The following NOS1AP variants were observed in gnomAD, a reference collection of about 807,000 sequenced individuals.
The protein encoded by NOS1AP is nitric oxide synthase 1 adaptor protein, also known as carboxyl-terminal PDZ ligand of neuronal nitric oxide synthase protein.
Under a neutral mutation model 56.2 loss-of-function variants are expected in NOS1AP, and 21 were observed. The ratio of observed to expected loss-of-function variants is 0.37; its 90% confidence interval spans 0.26 to 0.54. The LOEUF (loss-of-function observed/expected upper bound fraction) is 0.54. NOS1AP is among the 20% of genes least tolerant of loss of function. The probability of loss-of-function intolerance (pLI) is 0.84; values close to 1 mark genes in which losing one functional copy is unlikely to be tolerated. For missense variants in NOS1AP, 522 were observed against 657.8 expected (o/e 0.79, Z 2.26); for synonymous variants, 270 against 274.6 (o/e 0.98, Z 0.17).
intron 6 of NOS1AP, among the ~76,000 whole-genome samples, chr1:162,354,631 G>C (rs1443788453): frequency 6.6e-6 from 1 of 152,234 alleles, no homozygotes; most frequent in African/African-American, 2.4e-5. Context: ...ATCAGGCTCT[G>C]AGGGCTGGGA....
At chr1:162,360,067 G>A (rs1014880625) in intron 8 of NOS1AP, among the ~76,000 whole-genome samples, 3 of 147,678 alleles carry the variant, frequency 2.0e-5, no homozygotes, top group African/African-American at 7.6e-5. Flanking sequence ...TGTTGCCATG[G>A]GGACCAGGCT....
chr1:162,197,961 A>G (rs1040098225), intron 2 of NOS1AP, among the ~76,000 whole-genome samples: 2 of 152,256 alleles, frequency 1.3e-5, no homozygotes, highest in African/African-American at 4.8e-5. Context: ...TGAGGAGGGC[A>G]GATGGCTCCA....
chr1:162,255,488 TGA>T (rs1653996230), intron 2 of NOS1AP, among the ~76,000 whole-genome samples: 1 of 130,228 alleles, frequency 7.7e-6, no homozygotes, highest in Non-Finnish European at 1.6e-5. Flanking sequence ...TTGCTGCTGC[TGA>T]TTTTTTTTTT....
At chr1:162,127,830 C>T (rs1360287472) in intron 1 of NOS1AP, among the ~76,000 whole-genome samples, 2 of 152,182 alleles carry the variant, frequency 1.3e-5, no homozygotes, top group Admixed American at 6.5e-5. Context: ...CCAGGCCCCA[C>T]CTCCAACACT....
At chr1:162,161,441 T>C (rs1190075207) in intron 2 of NOS1AP, among the ~76,000 whole-genome samples, 1 of 152,238 alleles carries the variant, frequency 6.6e-6, no homozygotes, top group Non-Finnish European at 1.5e-5. Context: ...ACTGAACACA[T>C]TTCTTAATCT....
At chr1:162,334,058 A>G (rs1656861339) in intron 5 of NOS1AP, among the ~76,000 whole-genome samples, 1 of 152,182 alleles carries the variant, frequency 6.6e-6, no homozygotes, top group South Asian at 2.1e-4. Context: ...ACTTCATTTT[A>G]TGCATCTTTT....
rs1206070155 is a variant in NOS1AP at position 162,367,498 on chromosome 1, C to T, written c.*31C>T. ...GAGGGCGAGGAGATGGAGGCGGCGG[C>T]GTGGCTGGAGGGGCCGTGTCTGGCT... On this transcript the variant is annotated 3_prime_UTR_variant, in exon 10 of 10. Transcript: ENST00000361897. This position sits in a 1 kb window ranked among gnomAD's most constrained non-coding sequence, Gnocchi z 6.5. 2.6e-6 allele frequency: 4 copies of T among 1,523,584 alleles called. No homozygotes were observed. The highest frequency in any genetic ancestry group is 3.5e-6 in the Non-Finnish European group (4 of 1,134,522). The allele number at this position is 1,523,584 out of a possible 1,614,324, so 94.4% of individuals were successfully genotyped here. A position where few individuals can be genotyped will look rare whatever the true frequency, so the allele number is the denominator to read the frequency against.
chr1:162,180,088 C>T (rs944450956), intron 2 of NOS1AP, among the ~76,000 whole-genome samples: 8 of 152,034 alleles, frequency 5.3e-5, no homozygotes, highest in Non-Finnish European at 1.5e-5. Flanking sequence ...GATATGTTAC[C>T]TAGGAAAGCA....
Position 162,337,076 on chromosome 1 carries a change from C to G in NOS1AP, c.453+3951C>G, listed in dbSNP as rs550676022. ...GAAGACTCTTGCATGGTCTCTTGACCTCTCCCGTGGAGTGGATGTCATCCT... is the reference window on the plus strand; with the variant it reads ...GAAGACTCTTGCATGGTCTCTTGACGTCTCCCGTGGAGTGGATGTCATCCT... On this transcript the variant is annotated intron_variant, in intron 5 of 9. Coordinates refer to ENST00000361897, the MANE Select transcript of NOS1AP (RefSeq NM_014697.3). Among the ~76,000 whole-genome samples the G allele has an allele frequency of 2.0e-5, 3 of 152,222 alleles. No individual in the cohort carries two copies. In the South Asian group the frequency reaches 6.2e-4, roughly 32 times the overall value.
chr1:162,253,488 A>AGTTAT (rs1653933592), intron 2 of NOS1AP, among the ~76,000 whole-genome samples: 1 of 152,236 alleles, frequency 6.6e-6, no homozygotes, highest in Admixed American at 6.5e-5. Flanking sequence ...ATGAATTGTC[A>AGTTAT]GAGAGAAAAC....
Position 162,247,847 on chromosome 1 carries a change from C to T in NOS1AP, c.178-39497C>T, listed in dbSNP as rs751222230. 2.6e-4 allele frequency among the ~76,000 whole-genome samples: 39 copies of T among 152,254 alleles called. No individual in the cohort carries two copies. In the Middle Eastern group the frequency reaches 0.017, roughly 66 times the overall value. ...TTGATTCCTGCACATGATCTGATGG[C>T]CTTCATGAGAAAGAAGGCTGTGAGG... On this transcript the variant is annotated intron_variant, in intron 2 of 9. Transcript: ENST00000361897.
chr1:162,141,149 T>G (rs987103127), intron 1 of NOS1AP, among the ~76,000 whole-genome samples: 2 of 151,902 alleles, frequency 1.3e-5, no homozygotes, highest in Non-Finnish European at 2.9e-5. Context: ...GGAATGGAGC[T>G]TCAATGTGAA....
intron 2 of NOS1AP, among the ~76,000 whole-genome samples, chr1:162,276,880 T>C (rs1247172877): frequency 1.3e-5 from 2 of 152,216 alleles, no homozygotes; most frequent in East Asian, 3.8e-4. Flanking sequence ...ACACCTCATG[T>C]CTCAATTTTT....
chr1:162,331,670 G>A (rs1340009255), intron 4 of NOS1AP, among the ~76,000 whole-genome samples: 3 of 152,130 alleles, frequency 2.0e-5, no homozygotes, highest in Admixed American at 2.0e-4. Context: ...TTGAATGAAA[G>A]CCATCAGTGT....
intron 2 of NOS1AP, among the ~76,000 whole-genome samples, chr1:162,177,159 A>G (rs905349500): frequency 6.6e-6 from 1 of 152,132 alleles, no homozygotes; most frequent in African/African-American, 2.4e-5. Flanking sequence ...GAACTTTAAA[A>G]ATTTTAATCC....
intron 2 of NOS1AP, among the ~76,000 whole-genome samples, chr1:162,163,213 T>C (rs1211839957): frequency 6.6e-6 from 1 of 152,192 alleles, no homozygotes; most frequent in East Asian, 1.9e-4. Context: ...ACACGGGGTG[T>C]TTGCCAATTT....
At chr1:162,190,371 TTTA>T (rs2102154539) in intron 2 of NOS1AP, among the ~76,000 whole-genome samples, 1 of 152,148 alleles carries the variant, frequency 6.6e-6, no homozygotes, top group East Asian at 1.9e-4. Context: ...TTTATTTTAT[TTTA>T]TTATTATTAT....
intron 6 of NOS1AP, among the ~76,000 whole-genome samples, chr1:162,348,621 C>T (rs1412261449): frequency 6.6e-6 from 1 of 152,154 alleles, no homozygotes; most frequent in Non-Finnish European, 1.5e-5. Flanking sequence ...TCTAAAAAAG[C>T]CCATCAGGCC....
chr1:162,070,252 C>T lies in NOS1AP; in HGVS notation c.75C>T (p.Ala25=). ...GGATCCCCTTGCACAACGAGGACGC[C>T]TTCCAGCACGGCATCTGCTTTGAGG... ...DLRIPLHNED[A]FQHGICFEAK... Residue 25 remains alanine, a synonymous_variant, in exon 1 of 10, where the codon GCC becomes GCT. Transcript: ENST00000361897. 1 of 1,613,968 alleles carries T rather than the reference C, an allele frequency of 6.2e-7. No homozygotes were observed.
Sources: allele counts gnomAD v4.1 joint callset (sites outside exome capture counted in the v4.1 genomes callset), GRCh38; gene constraint gnomAD v4.1.1; non-coding constraint Gnocchi (gnomAD v3.1); transcripts MANE v1.5; gene names NCBI Gene and HGNC (gene_info 2026-07-23, HGNC 2026-07-21).